TENM2: variants seen among roughly 807,000 people sequenced by gnomAD.
TENM2 encodes the protein teneurin transmembrane protein 2.
Under a neutral mutation model 245.2 loss-of-function variants are expected in TENM2, and 52 were observed. The ratio of observed to expected loss-of-function variants is 0.21; its 90% confidence interval spans 0.17 to 0.27. The LOEUF is 0.27. Ranked by LOEUF, TENM2 falls within the 10% of genes least tolerant of loss-of-function variation. The pLI, the probability that TENM2 is intolerant of heterozygous loss-of-function variation, is 1.00. For synonymous variants in TENM2, 1,363 were observed against 1,438.9 expected, an observed-to-expected ratio of 0.95 and a Z score of 1.19; for missense variants, 3,046 against 3,666.8, an observed-to-expected ratio of 0.83 and a Z score of 4.37.
intron 12 of TENM2, among the ~76,000 whole-genome samples, chr5:168,143,626 A>C (rs1755753756): frequency 6.6e-6 from 1 of 152,170 alleles, no homozygotes; most frequent in African/African-American, 2.4e-5. Flanking sequence ...TATTTGCCCT[A>C]TAGCAGAAGG....
At chr5:168,047,659 A>G in intron 6 of TENM2, 110 bp downstream of exon 8, 1 of 1,320,238 alleles carries the variant, frequency 7.6e-7, no homozygotes, top group Non-Finnish European at 1.0e-6. Flanking sequence ...CCAAAAGAAA[A>G]AGAAACGGGG....
At chr5:167,244,684 G>A in the TENM2 span, among the ~76,000 whole-genome samples, 6 of 152,302 alleles carry the variant, frequency 3.9e-5, no homozygotes, top group African/African-American at 1.4e-4. Flanking sequence ...TGGATAAAAC[G>A]TTAGTCACTG....
intron 2 of TENM2, among the ~76,000 whole-genome samples, chr5:167,413,557 C>A (rs753988097): frequency 6.6e-6 from 1 of 152,130 alleles, no homozygotes; most frequent in Non-Finnish European, 1.5e-5. Context: ...GGCTCACATA[C>A]CTGAGGTATT....
chr5:167,403,782 G>A (rs11750777), intron 2 of TENM2, among the ~76,000 whole-genome samples: 20,265 of 152,040 alleles, frequency 0.13, 1,729 homozygotes, highest in Non-Finnish European at 0.19. Context: ...TTATAAAGAT[G>A]TACAAGCTTG....
Position 167,400,959 on chromosome 5 carries a change from C to A in TENM2, c.502+25486C>A, listed in dbSNP as rs541309365. ...GCCTAACAAAGGCTGGGCGTGGTGG[C>A]TCATGCCTGCAATCCTAGCGTTTTG... is the stretch of plus-strand genomic sequence containing the variant. On this transcript the variant is annotated intron_variant, in intron 2 of 28. Transcript: ENST00000518659. 1.1e-4 allele frequency among the ~76,000 whole-genome samples: 17 copies of A among 152,172 alleles called. No homozygotes were observed. In the South Asian group the frequency reaches 3.3e-3, roughly 30 times the overall value.
chr5:167,982,771 A>G (rs927141641), intron 4 of TENM2, among the ~76,000 whole-genome samples: 3 of 152,210 alleles, frequency 2.0e-5, no homozygotes, highest in Non-Finnish European at 2.9e-5. Flanking sequence ...AGGGTACCAG[A>G]AAGCAAAAGA....
At chr5:167,950,399 G>A (rs1779991170) in intron 3 of TENM2, among the ~76,000 whole-genome samples, 1 of 152,098 alleles carries the variant, frequency 6.6e-6, no homozygotes, top group Non-Finnish European at 1.5e-5. Context: ...TCTCATTTAG[G>A]GAATTAAATC....
At chr5:167,002,024 A>G in the TENM2 span, among the ~76,000 whole-genome samples, 1 of 152,144 alleles carries the variant, frequency 6.6e-6, no homozygotes, top group African/African-American at 2.4e-5. Flanking sequence ...TCACCATAAT[A>G]TTTTACCCTT....
exon 7 of TENM2, chr5:168,062,214 C>T (rs543173851): frequency 3.5e-5 from 57 of 1,613,764 alleles, no homozygotes; most frequent in African/African-American, 1.7e-4. Context: ...TCGGGAAGGA[C>T]GCTCTCTTTG....
At chr5:167,879,146 A>G (rs1268500593) in intron 3 of TENM2, among the ~76,000 whole-genome samples, 1 of 152,186 alleles carries the variant, frequency 6.6e-6, no homozygotes, top group African/African-American at 2.4e-5. Context: ...TTTCCCCAAC[A>G]TGAAAAACTC....
intron 12 of TENM2, among the ~76,000 whole-genome samples, chr5:168,134,440 C>A (rs764900048): frequency 6.6e-6 from 1 of 152,102 alleles, no homozygotes; most frequent in Non-Finnish European, 1.5e-5. Context: ...AATCCCAGCA[C>A]TTTGGGAGGC....
chr5:167,024,799 C>A, the TENM2 span, among the ~76,000 whole-genome samples: 1 of 152,124 alleles, frequency 6.6e-6, no homozygotes, highest in Non-Finnish European at 1.5e-5. Flanking sequence ...TGCATATATT[C>A]CTCTCAGCCC....
chr5:167,178,134 T>A, the TENM2 span, among the ~76,000 whole-genome samples: 1 of 152,204 alleles, frequency 6.6e-6, no homozygotes, highest in Non-Finnish European at 1.5e-5. Flanking sequence ...AGGAGGCTAT[T>A]AATATAAACT....
chr5:167,088,109 G>A, the TENM2 span, among the ~76,000 whole-genome samples: 1 of 152,118 alleles, frequency 6.6e-6, no homozygotes, highest in Non-Finnish European at 1.5e-5. Context: ...TCTCTTAAGA[G>A]CTGGAGCAAG....
intron 1 of TENM2, among the ~76,000 whole-genome samples, chr5:167,356,349 A>G (rs1318409289): frequency 6.6e-6 from 1 of 151,988 alleles, no homozygotes; most frequent in Admixed American, 6.6e-5. Context: ...CAGAGAAGGT[A>G]ATTCTTGTCA....
chr5:167,203,003 A>T, the TENM2 span, among the ~76,000 whole-genome samples: 1 of 152,200 alleles, frequency 6.6e-6, no homozygotes, highest in Non-Finnish European at 1.5e-5. Context: ...GTGATGATAG[A>T]TAATTTGCCA....
chr5:168,172,861 G>A (rs1299447425), intron 13 of TENM2, among the ~76,000 whole-genome samples: 1 of 152,160 alleles, frequency 6.6e-6, no homozygotes, highest in Non-Finnish European at 1.5e-5. Flanking sequence ...CAAGGCCTGT[G>A]CTCTTTTCTT....
chr5:167,196,500 GTA>G, the TENM2 span, among the ~76,000 whole-genome samples: 5 of 149,024 alleles, frequency 3.4e-5, no homozygotes, highest in Admixed American at 1.3e-4. Flanking sequence ...ATATATATGT[GTA>G]TATATATGTG....
At chr5:167,256,404 A>G in the TENM2 span, among the ~76,000 whole-genome samples, 149 of 152,306 alleles carry the variant, frequency 9.8e-4, no homozygotes, top group African/African-American at 3.5e-3. Context: ...AAGGGGCAAA[A>G]GCTAGAAATG....
Sources: allele counts gnomAD v4.1 joint callset (sites outside exome capture counted in the v4.1 genomes callset), GRCh38; gene constraint gnomAD v4.1.1; transcripts MANE v1.5; gene names NCBI Gene and HGNC (gene_info 2026-07-23, HGNC 2026-07-21).